The following ZNF362 variants were observed in gnomAD, a reference collection of about 807,000 sequenced individuals.
ZNF362 encodes zinc finger protein 362.
ZNF362 carries 11 observed loss-of-function variants against 42.9 expected under a neutral mutation model. The observed-to-expected ratio is 0.26, with a 90% CI of 0.16 to 0.42. The LOEUF (loss-of-function observed/expected upper bound fraction) is 0.42. Among genes scored for constraint, ZNF362 ranks in the 20% least tolerant of loss-of-function variants. The pLI, the probability that ZNF362 is intolerant of heterozygous loss-of-function variation, is 1.00. For synonymous variants in ZNF362, 255 were observed against 257.3 expected (o/e 0.99, Z 0.09); for missense variants, 362 against 576.2 (o/e 0.63, Z 3.81).
At chr1:33,202,448 A>G in the ZNF362 span, among the ~76,000 whole-genome samples, 1 of 152,066 alleles carries the variant, frequency 6.6e-6, no homozygotes, top group Non-Finnish European at 1.5e-5. Context: ...TACAAAAAAA[A>G]TCAGCCAGGC....
At chr1:33,139,411 C>A in the ZNF362 span, among the ~76,000 whole-genome samples, 27 of 152,340 alleles carry the variant, frequency 1.8e-4, no homozygotes, top group Non-Finnish European at 3.7e-4. Flanking sequence ...TCTTGAGATG[C>A]TCATGCCTAG....
chr1:33,170,882 G>A, the ZNF362 span, among the ~76,000 whole-genome samples: 1 of 152,196 alleles, frequency 6.6e-6, no homozygotes, highest in African/African-American at 2.4e-5. Context: ...GTGAGACAAT[G>A]GTAAGAAGTG....
chr1:33,283,775 G>A (rs529126501), intron 6 of ZNF362, among the ~76,000 whole-genome samples: 10 of 152,280 alleles, frequency 6.6e-5, no homozygotes, highest in East Asian at 1.9e-4. Context: ...CTGTTTTCTC[G>A]TTACCATGCC....
At chr1:33,230,148 C>A in the ZNF362 span, among the ~76,000 whole-genome samples, 1 of 152,084 alleles carries the variant, frequency 6.6e-6, no homozygotes, top group African/African-American at 2.4e-5. Flanking sequence ...TACTGTGTAA[C>A]TTAAGCATGT....
chr1:33,132,239 C>T, the ZNF362 span, among the ~76,000 whole-genome samples: 16 of 152,338 alleles, frequency 1.1e-4, no homozygotes, highest in African/African-American at 3.4e-4. Flanking sequence ...TAAAAGGCAG[C>T]GTGAGCTCTC....
At chr1:33,150,030 G>T in the ZNF362 span, among the ~76,000 whole-genome samples, 1 of 152,214 alleles carries the variant, frequency 6.6e-6, no homozygotes, top group African/African-American at 2.4e-5. Context: ...TAGCAGGTCT[G>T]ACTAAAAATT....
chr1:33,300,266 T>G lies in ZNF362; in HGVS notation c.*1220T>G, dbSNP rs1263122693. 2 of 152,642 alleles carry G rather than the reference T, an allele frequency of 1.3e-5. No homozygotes were observed. Among genetic ancestry groups the G allele is most frequent in the Non-Finnish European group, 2.9e-5 (2 of 68,046 alleles). 9.5% of individuals were successfully genotyped at this position (152,642 alleles called of 1,614,324 possible). The stretch of plus-strand genomic sequence containing the variant: ...TTTAAGCCTTAACTCGCCATTGATT[T>G]ACCAGTTTAACGTTTCCTGGGGTTT... On this transcript the variant is annotated 3_prime_UTR_variant, in exon 9 of 9. Transcript: ENST00000539719.
intron 1 of ZNF362, among the ~76,000 whole-genome samples, chr1:33,259,031 A>G (rs962821225): frequency 2.0e-5 from 3 of 152,086 alleles, no homozygotes; most frequent in Non-Finnish European, 2.9e-5. Flanking sequence ...TGACTGTGTA[A>G]ACATCCAGAG....
the ZNF362 span, among the ~76,000 whole-genome samples, chr1:33,200,525 A>C: frequency 6.6e-6 from 1 of 152,226 alleles, no homozygotes; most frequent in Non-Finnish European, 1.5e-5. Context: ...TGAATAAAAA[A>C]GCAAGGCACA....
intron 1 of ZNF362, among the ~76,000 whole-genome samples, chr1:33,257,666 T>G (rs1016999481): frequency 3.3e-5 from 5 of 151,984 alleles, no homozygotes; most frequent in Non-Finnish European, 5.9e-5. Context: ...AGCTAGATCC[T>G]CAGATCTGGG....
upstream of ZNF362, among the ~76,000 whole-genome samples, chr1:33,256,252 C>A (rs1645788805): frequency 7.0e-6 from 1 of 142,220 alleles, no homozygotes. Context: ...GCGCGGCCCG[C>A]CCCCGCCCCC....
chr1:33,271,825 C>A (rs3935892), intron 2 of ZNF362, among the ~76,000 whole-genome samples: 15,857 of 152,126 alleles, frequency 0.1, 945 homozygotes, highest in South Asian at 0.21. Flanking sequence ...AGCATCTGGG[C>A]AGATGGGGAT....
At position 33,290,579 on chromosome 1, in the gene ZNF362, A is replaced by C. The variant is rs546497555; in HGVS notation, c.909-4358A>C. On this transcript the variant is annotated intron_variant, in intron 6 of 8. Transcript: ENST00000539719. ...TTTATAATCCTTTGGGTATATACCC[A>C]GTAATGGGATGGCTGGGTCAAATGG... is the stretch of plus-strand genomic sequence containing the variant. Among the ~76,000 whole-genome samples the C allele has an allele frequency of 3.6e-3, 548 of 152,166 alleles. 5 individuals are homozygous for C. Among genetic ancestry groups the C allele is most frequent in the African/African-American group, 0.013 (519 of 41,500 alleles).
the ZNF362 span, among the ~76,000 whole-genome samples, chr1:33,231,438 C>T: frequency 3.3e-5 from 5 of 152,184 alleles, no homozygotes; most frequent in African/African-American, 1.2e-4. Context: ...GGCACGGAGA[C>T]GTCAAACAAA....
At chr1:33,149,275 C>T in the ZNF362 span, among the ~76,000 whole-genome samples, 1 of 152,186 alleles carries the variant, frequency 6.6e-6, no homozygotes, top group Admixed American at 6.5e-5. Flanking sequence ...GCCTCAGCCT[C>T]TCGAGTAGTT....
rs2148148289 is a variant in ZNF362 at position 33,299,629 on chromosome 1, C to G, written c.*583C>G. On this transcript the variant is annotated 3_prime_UTR_variant, in exon 9 of 9. Coordinates refer to ENST00000539719, the MANE Select transcript of ZNF362 (RefSeq NM_152493.3). ...TGGCTCGCACCTCTCGAGCTGTGCC[C>G]TGGGCATCACTGAGCAGAGGGGTGC... 1 of 153,658 alleles carries G rather than the reference C, an allele frequency of 6.5e-6. No homozygotes were observed. Among genetic ancestry groups the G allele is most frequent in the South Asian group, 2.0e-4 (1 of 4,926 alleles). The allele number at this position is 153,658 out of a possible 1,614,324, so 9.5% of individuals were successfully genotyped here.
At chr1:33,141,554 T>C in the ZNF362 span, among the ~76,000 whole-genome samples, 7 of 152,188 alleles carry the variant, frequency 4.6e-5, no homozygotes, top group African/African-American at 1.7e-4. Flanking sequence ...ACCTGAAGCT[T>C]TGTGCCTCTG....
the ZNF362 span, among the ~76,000 whole-genome samples, chr1:33,131,734 C>T: frequency 1.1e-4 from 16 of 152,108 alleles, no homozygotes; most frequent in East Asian, 9.6e-4. Context: ...GAAAATTTAA[C>T]AGCCAAAATA....
chr1:33,240,519 C>T, the ZNF362 span, among the ~76,000 whole-genome samples: 1 of 152,170 alleles, frequency 6.6e-6, no homozygotes, highest in South Asian at 2.1e-4. Context: ...GTACAATTCA[C>T]ATGAGCAAAT....
Sources: allele counts gnomAD v4.1 joint callset (sites outside exome capture counted in the v4.1 genomes callset), GRCh38; gene constraint gnomAD v4.1.1; transcripts MANE v1.5; gene names NCBI Gene and HGNC (gene_info 2026-07-23, HGNC 2026-07-21).